Variants in ITPRID2 observed in about 807,000 individuals in gnomAD.
ITPRID2 encodes protein ITPRID2.
In ITPRID2, 60 loss-of-function variants were observed where a neutral mutation model predicts 124.3. The ratio of observed to expected loss-of-function variants is 0.48; its 90% CI spans 0.39 to 0.60. ITPRID2 has a LOEUF of 0.60. ITPRID2 is among the 20% of genes least tolerant of loss of function. The pLI, the probability that ITPRID2 is intolerant of heterozygous loss-of-function variation, is 0.00. For synonymous variants in ITPRID2, 521 were observed against 542.9 expected (o/e 0.96, Z 0.56); for missense variants, 1,553 against 1,512.2 (o/e 1.03, Z -0.45).
intron 2 of ITPRID2, chr2:181,893,246 T>C (rs1691911286): frequency 6.5e-6 from 1 of 153,012 alleles, no homozygotes; most frequent in African/African-American, 2.4e-5. Context: ...TTTAATTACA[T>C]GCTTTGGCAA....
intron 10 of ITPRID2, among the ~76,000 whole-genome samples, chr2:181,914,930 G>A (rs1489248658): frequency 3.3e-5 from 5 of 152,098 alleles, no homozygotes; most frequent in African/African-American, 1.2e-4. Flanking sequence ...GGAAGTGTTT[G>A]TCCATTTTCT....
Position 181,915,457 on chromosome 2 carries a change from G to C in ITPRID2, c.1817G>C (p.Gly606Ala). The C allele has an allele frequency of 6.2e-7, 1 of 1,614,146 alleles. No individual in the cohort carries two copies. Among genetic ancestry groups the C allele is most frequent in the South Asian group, 1.1e-5 (1 of 91,068 alleles). Reference protein sequence around the residue: ...FPQCNTIENTGTKQSTCSPGD... With the variant: ...FPQCNTIENTATKQSTCSPGD... ...CAGTGCAACACCATTGAGAATACAG[G>C]AACTAAACAGTCCACCTGTAGTCCA... Residue 606 changes from glycine (G) to alanine (A), a missense_variant, in exon 11 of 18, where the codon GGA becomes GCA. Physicochemically the swap from Gly to Ala is moderately conservative, Grantham distance 60. Coordinates refer to ENST00000431877, the MANE Select transcript of ITPRID2 (RefSeq NM_001130445.3).
At chr2:181,906,288 G>A (rs1693108923) in intron 8 of ITPRID2, among the ~76,000 whole-genome samples, 1 of 152,120 alleles carries the variant, frequency 6.6e-6, no homozygotes, top group African/African-American at 2.4e-5. Context: ...CTTCACAGGG[G>A]GAAGGAGCAC....
chr2:181,918,647 A>G lies in ITPRID2; in HGVS notation c.2837A>G (p.Gln946Arg). The G allele has an allele frequency of 6.2e-7, 1 of 1,614,126 alleles. No homozygotes were observed. Among genetic ancestry groups the G allele is most frequent in the Non-Finnish European group, 8.5e-7 (1 of 1,179,988 alleles). ...CCTGCTGCTGCTCCATATAGTACTC[A>G]GAAATCATCTGTTCTACCTCTTTAT... is the stretch of plus-strand genomic sequence containing the variant. Reference protein sequence around the residue: ...PDPAAAPYSTQKSSVLPLYEN... With the variant: ...PDPAAAPYSTRKSSVLPLYEN... The change falls in exon 12 of 18, where the codon CAG (glutamine) becomes CGG (arginine). Residue 946 changes from glutamine (Q) to arginine (R), a missense_variant. Transcript: ENST00000431877.
In ITPRID2 at chr2:181,915,627, C is replaced by G. The variant is rs753564617; in HGVS notation, c.1987C>G (p.Leu663Val). Residue 663 changes from leucine (L) to valine (V), a missense_variant, in exon 11 of 18, where the codon CTG (leucine) becomes GTG (valine). Physicochemically the swap from Leu to Val is conservative, Grantham distance 32 (BLOSUM62 1). Transcript: ENST00000431877. ...EFTQYTTHHILKSLASIEAKC... is the reference protein window; with the variant it reads ...EFTQYTTHHIVKSLASIEAKC... The stretch of plus-strand genomic sequence containing the variant: ...TACTCAGTATACCACACACCATATT[C>G]TGAAATCATTGGCTTCTATTGAAGC... The G allele has an allele frequency of 3.7e-6, 6 of 1,614,200 alleles. No homozygotes were observed. Among genetic ancestry groups the G allele is most frequent in the Non-Finnish European group, 5.1e-6 (6 of 1,180,036 alleles).
chr2:181,915,255 A>G lies in ITPRID2; in HGVS notation c.1615A>G (p.Ser539Gly). The part of the protein sequence containing the change: ...SLQAMGSSAD[S>G]CDSETTVTSL... Reference sequence around the variant, plus strand: ...GCAGGCTATGGGGAGTAGTGCTGATAGTTGTGACAGTGAGACAACAGTTAC... The same window carrying G: ...GCAGGCTATGGGGAGTAGTGCTGATGGTTGTGACAGTGAGACAACAGTTAC... Residue 539 changes from serine (S) to glycine (G), a missense_variant, in exon 11 of 18, where the codon AGT (serine) becomes GGT (glycine). By Grantham distance (56) the Ser-to-Gly change is moderately conservative. Transcript: ENST00000431877. The G allele has an allele frequency of 6.2e-7, 1 of 1,614,196 alleles. No individual in the cohort carries two copies. Among genetic ancestry groups the G allele is most frequent in the African/African-American group, 1.3e-5 (1 of 75,054 alleles).
intron 14 of ITPRID2, 32 bp from the exon 15 acceptor site, chr2:181,920,561 CACAT>C: frequency 6.9e-7 from 1 of 1,439,898 alleles, no homozygotes; most frequent in Non-Finnish European, 9.7e-7. Context: ...TATATACACA[CACAT>C]ATACATATAT....
At position 181,918,837 on chromosome 2, in the gene ITPRID2, T is replaced by C. The variant is rs1418666729; in HGVS notation, c.2948T>C (p.Leu983Pro). 6.2e-7 allele frequency: 1 copy of C among 1,614,218 alleles called. No homozygotes were observed. Among genetic ancestry groups the C allele is most frequent in the Non-Finnish European group, 8.5e-7 (1 of 1,180,038 alleles). Residue 983 changes from leucine (L) to proline (P), a missense_variant, in exon 13 of 18, where the codon CTG becomes CCG. Leu to Pro is a moderately conservative substitution (Grantham distance 98). Coordinates refer to ENST00000431877, the MANE Select transcript of ITPRID2 (RefSeq NM_001130445.3). ...TQMMDLELAMLRQQTMVYHHM... is the reference protein window; with the variant it reads ...TQMMDLELAMPRQQTMVYHHM... ...ATGATGGATTTAGAATTGGCAATGC[T>C]GCGTCAGCAAACCATGGTTTATCAT...
rs1003002539 is a variant in ITPRID2 at position 181,896,227 on chromosome 2, T to C, written c.307+148T>C. 1.0e-5 allele frequency: 7 copies of C among 695,510 alleles called. No homozygotes were observed. The African/African-American group carries it at 1.1e-4, about 11-fold the overall frequency. The allele number at this position is 695,510 out of a possible 1,614,324, so 43.1% of individuals were successfully genotyped here. On this transcript the variant is annotated intron_variant, in intron 3 of 17. Coordinates refer to ENST00000431877, the MANE Select transcript of ITPRID2 (RefSeq NM_001130445.3). This position sits in a 1 kb window ranked among gnomAD's most constrained non-coding sequence, Gnocchi z 4.3. ...AGCTAGAAGCAAAATGGAGAAACTT[T>C]GTTATAAACCGTAAAACAGTAGGGA...
At chr2:181,926,706 C>A (rs1159126586) in intron 16 of ITPRID2, among the ~76,000 whole-genome samples, 6 of 142,572 alleles carry the variant, frequency 4.2e-5, no homozygotes, top group African/African-American at 1.6e-4. Context: ...GAGTGAGAAT[C>A]CATCTCAAAA....
At chr2:181,899,550 G>A (rs542177868) in intron 6 of ITPRID2, among the ~76,000 whole-genome samples, 1 of 152,132 alleles carries the variant, frequency 6.6e-6, no homozygotes, top group Non-Finnish European at 1.5e-5. Context: ...CAAATATATA[G>A]TATAGCCAGG....
chr2:181,928,043 A>G, intron 16 of ITPRID2, 118 bp from the exon 17 acceptor site: 1 of 654,636 alleles, frequency 1.5e-6, no homozygotes, highest in Non-Finnish European at 2.6e-6. Context: ...TATTGCAGGG[A>G]GATTCACATG....
rs142766001 is a variant in ITPRID2, at chr2:181,915,233, G to C, written c.1593G>C (p.Gln531His). 1.9e-6 allele frequency: 3 copies of C among 1,613,786 alleles called. No homozygotes were observed. In the African/African-American group the frequency reaches 4.0e-5, roughly 22 times the overall value. Residue 531 changes from glutamine to histidine, a missense_variant, in exon 11 of 18, where the codon CAG becomes CAC. Coordinates refer to ENST00000431877, the MANE Select transcript of ITPRID2 (RefSeq NM_001130445.3). ...LNHLQVQESL[Q>H]AMGSSADSCD... The stretch of plus-strand genomic sequence containing the variant: ...TTTCACAGGTTCAGGAGTCCTTGCA[G>C]GCTATGGGGAGTAGTGCTGATAGTT...
intron 6 of ITPRID2, among the ~76,000 whole-genome samples, chr2:181,900,446 A>G (rs992886713): frequency 2.0e-5 from 3 of 152,150 alleles, no homozygotes; most frequent in African/African-American, 7.2e-5. Flanking sequence ...GGAATCTCTG[A>G]CTGTGTTCGT....
intron 8 of ITPRID2, among the ~76,000 whole-genome samples, chr2:181,904,424 A>G (rs911597296): frequency 4.6e-5 from 7 of 152,198 alleles, no homozygotes; most frequent in African/African-American, 1.7e-4. Flanking sequence ...TATTTAAAAT[A>G]TGGATAAAAA....
chr2:181,900,619 A>G, intron 6 of ITPRID2, 77 bp from the exon 7 acceptor site: 1 of 968,868 alleles, frequency 1.0e-6, no homozygotes, highest in Non-Finnish European at 1.5e-6. Flanking sequence ...AGTAATATGT[A>G]TTCATTTATA....
At chr2:181,924,858 G>A (rs1325374038) in intron 16 of ITPRID2, among the ~76,000 whole-genome samples, 1 of 152,188 alleles carries the variant, frequency 6.6e-6, no homozygotes, top group Non-Finnish European at 1.5e-5. Context: ...AGTACACACT[G>A]TCTTAAAATT....
At chr2:181,916,532 T>C in intron 11 of ITPRID2, 105 bp downstream of exon 11, 1 of 1,358,948 alleles carries the variant, frequency 7.4e-7, no homozygotes, top group Middle Eastern at 2.7e-4. Flanking sequence ...TACCTCAGCT[T>C]TATTTTCTGA....
rs3180332 is a variant in ITPRID2 at position 181,900,700 on chromosome 2, T to C, written c.508T>C (p.Ser170Pro). The change falls in exon 7 of 18, where the codon TCA becomes CCA. Residue 170 changes from serine (S) to proline (P), a missense_variant. Physicochemically the swap from Ser to Pro is moderately conservative, Grantham distance 74 (BLOSUM62 -1). Coordinates refer to ENST00000431877, the MANE Select transcript of ITPRID2 (RefSeq NM_001130445.3). Reference sequence around the variant, plus strand: ...TTTTGCCCCCTTTTTTTGTAGTGTTTCAGAATTGTTGGAACTTTATGAGGA... The same window carrying C: ...TTTTGCCCCCTTTTTTTGTAGTGTTCCAGAATTGTTGGAACTTTATGAGGA... ...GKSSGTVSSV[S>P]ELLELYEEDP... The C allele has an allele frequency of 1.9e-6, 3 of 1,600,748 alleles. No individual in the cohort carries two copies. The highest frequency in any genetic ancestry group is 2.6e-6 in the Non-Finnish European group (3 of 1,175,202).
Sources: allele counts gnomAD v4.1 joint callset (sites outside exome capture counted in the v4.1 genomes callset), GRCh38; gene constraint gnomAD v4.1.1; non-coding constraint Gnocchi (gnomAD v3.1); transcripts MANE v1.5; gene names NCBI Gene and HGNC (gene_info 2026-07-23, HGNC 2026-07-21).